GRM7: variants seen among roughly 807,000 people sequenced by gnomAD.
The protein encoded by GRM7 is metabotropic glutamate receptor 7.
In GRM7, 35 loss-of-function variants were observed where a neutral mutation model predicts 84.5. That is an observed-to-expected ratio of 0.41 (90% CI 0.32 to 0.55). The LOEUF (loss-of-function observed/expected upper bound fraction) is 0.55, where lower values mean the gene tolerates loss of function less well. Ranked by LOEUF, GRM7 falls within the 20% of genes least tolerant of loss-of-function variation. The pLI, the probability that GRM7 is intolerant of heterozygous loss-of-function variation, is 0.19. For missense variants in GRM7, 1,003 were observed against 1,194.6 expected (o/e 0.84, Z 2.36); for synonymous variants, 487 against 455.1 (o/e 1.07, Z -0.89).
chr3:6,890,347 G>C (rs535638928), intron 1 of GRM7, among the ~76,000 whole-genome samples: 12 of 151,988 alleles, frequency 7.9e-5, no homozygotes, highest in East Asian at 1.9e-4. Flanking sequence ...TGGATCTTTC[G>C]TGCTTTCTCT....
chr3:7,441,011 C>T (rs980529035), intron 5 of GRM7, among the ~76,000 whole-genome samples: 4 of 152,088 alleles, frequency 2.6e-5, no homozygotes, highest in Admixed American at 6.6e-5. Context: ...GGTATATACT[C>T]GGTAATGGGA....
chr3:7,588,024 C>A (rs1695600619), intron 8 of GRM7, among the ~76,000 whole-genome samples: 2 of 152,008 alleles, frequency 1.3e-5, no homozygotes, highest in South Asian at 2.1e-4. Flanking sequence ...CAGTCTATAC[C>A]CTCCCTCCCC....
chr3:7,733,236 T>TA (rs1339306074), intron 9 of GRM7, among the ~76,000 whole-genome samples: 1 of 152,146 alleles, frequency 6.6e-6, no homozygotes, highest in Non-Finnish European at 1.5e-5. Flanking sequence ...TCCAGGTTCT[T>TA]ATCTCACAAC....
chr3:7,625,199 C>T (rs955376719), intron 8 of GRM7, among the ~76,000 whole-genome samples: 1 of 152,072 alleles, frequency 6.6e-6, no homozygotes, highest in African/African-American at 2.4e-5. Context: ...TGGTAGCTGT[C>T]ATATTGTACT....
At chr3:7,059,756 T>C (rs750121716) in intron 1 of GRM7, among the ~76,000 whole-genome samples, 3 of 151,710 alleles carry the variant, frequency 2.0e-5, no homozygotes, top group African/African-American at 7.3e-5. Flanking sequence ...CTTATAAAAG[T>C]GACCCTAGAG....
intron 9 of GRM7, among the ~76,000 whole-genome samples, chr3:7,699,595 C>T (rs1315430257): frequency 6.6e-6 from 1 of 152,112 alleles, no homozygotes; most frequent in East Asian, 1.9e-4. Context: ...AAAATTCATC[C>T]ATTTTCAAAA....
chr3:6,977,377 G>A (rs1694041436), intron 1 of GRM7, among the ~76,000 whole-genome samples: 1 of 152,084 alleles, frequency 6.6e-6, no homozygotes, highest in South Asian at 2.1e-4. Flanking sequence ...GTGTGTGTGT[G>A]TGTCTGTGTG....
intron 8 of GRM7, among the ~76,000 whole-genome samples, chr3:7,669,686 T>C (rs919779371): frequency 3.3e-5 from 5 of 152,044 alleles, no homozygotes; most frequent in Non-Finnish European, 5.9e-5. Context: ...GGTCAGGAAA[T>C]AGGACTTTTT....
chr3:7,276,203 ATATATGTGTGTGTGTGTGTGTGTG>A (rs1699047075), intron 2 of GRM7, among the ~76,000 whole-genome samples: 4 of 124,732 alleles, frequency 3.2e-5, no homozygotes, highest in Non-Finnish European at 3.3e-5. Flanking sequence ...ATATATATAT[ATATATGTGTGTGTGTGTGTGTGTG>A]TGTGTGTGTG....
chr3:7,494,279 G>T (rs1198526586), intron 7 of GRM7, among the ~76,000 whole-genome samples: 1 of 152,120 alleles, frequency 6.6e-6, no homozygotes, highest in Non-Finnish European at 1.5e-5. Context: ...TCTTCTTTCA[G>T]AACTTGAAAA....
At chr3:6,969,891 G>T (rs1693674507) in intron 1 of GRM7, among the ~76,000 whole-genome samples, 1 of 152,152 alleles carries the variant, frequency 6.6e-6, no homozygotes. Context: ...TACTGGCTGT[G>T]ACTGCAATTG....
intron 7 of GRM7, chr3:7,559,151 T>C (rs1237662851): frequency 2.1e-5 from 3 of 145,214 alleles, no homozygotes; most frequent in African/African-American, 5.1e-5. Context: ...TTTTTTTTCA[T>C]TGAAATGAGT....
At chr3:7,215,545 G>C (rs1313037175) in intron 2 of GRM7, among the ~76,000 whole-genome samples, 1 of 151,808 alleles carries the variant, frequency 6.6e-6, no homozygotes, top group Non-Finnish European at 1.5e-5. Context: ...GGCGCCTGTA[G>C]TCCCAGCTAC....
intron 1 of GRM7, among the ~76,000 whole-genome samples, chr3:6,957,856 A>G (rs1397075148): frequency 1.3e-5 from 2 of 152,220 alleles, no homozygotes; most frequent in Non-Finnish European, 2.9e-5. Context: ...GACATTATAT[A>G]AACAGGTATT....
intron 1 of GRM7, among the ~76,000 whole-genome samples, chr3:7,031,144 G>C (rs1696168681): frequency 6.6e-6 from 1 of 151,898 alleles, no homozygotes; most frequent in Non-Finnish European, 1.5e-5. Flanking sequence ...TTCAATATTT[G>C]CCAATTATAA....
chr3:7,150,117 G>A (rs1694239318), intron 2 of GRM7, among the ~76,000 whole-genome samples: 1 of 151,926 alleles, frequency 6.6e-6, no homozygotes, highest in Admixed American at 6.6e-5. Context: ...AAGAGAGAGG[G>A]GGGTGCATAG....
intron 7 of GRM7, among the ~76,000 whole-genome samples, chr3:7,548,951 A>G (rs1693306800): frequency 6.6e-6 from 1 of 152,200 alleles, no homozygotes; most frequent in South Asian, 2.1e-4. Flanking sequence ...GGTGGTGGTT[A>G]TTATTCACTG....
At chr3:7,183,182 G>C (rs934569829) in intron 2 of GRM7, among the ~76,000 whole-genome samples, 2 of 152,116 alleles carry the variant, frequency 1.3e-5, no homozygotes, top group African/African-American at 4.8e-5. Context: ...AATGACAAAG[G>C]ATAAATTTGC....
intron 1 of GRM7, among the ~76,000 whole-genome samples, chr3:7,134,406 C>T (rs191657686): frequency 3.7e-4 from 55 of 149,640 alleles, no homozygotes; most frequent in African/African-American, 1.3e-3. Flanking sequence ...TCCCCACTGT[C>T]GCCTGGCAAA....
Sources: allele counts gnomAD v4.1 joint callset (sites outside exome capture counted in the v4.1 genomes callset), GRCh38; gene constraint gnomAD v4.1.1; transcripts MANE v1.5; gene names NCBI Gene and HGNC (gene_info 2026-07-23, HGNC 2026-07-21).